Variants in MITF observed in about 807,000 individuals in gnomAD.
MITF encodes microphthalmia-associated transcription factor.
In MITF, 17 loss-of-function variants were observed where a neutral mutation model predicts 60.5. The observed-to-expected ratio is 0.28, with a 90% confidence interval of 0.19 to 0.42. The LOEUF (loss-of-function observed/expected upper bound fraction) is 0.42, where lower values mean the gene tolerates loss of function less well. MITF is among the 10% of genes least tolerant of loss of function. The probability of loss-of-function intolerance (pLI) is 1.00; values close to 1 mark genes in which losing one functional copy is unlikely to be tolerated. For missense variants in MITF, 622 were observed against 683.5 expected (o/e 0.91, Z 1.00); for synonymous variants, 260 against 248.5 (o/e 1.05, Z -0.43).
At position 69,966,046 on chromosome 3, in the gene MITF, A is replaced by C. The variant is rs1322360892; in HGVS notation, c.*798A>C. On this transcript the variant is annotated 3_prime_UTR_variant, in exon 10 of 10. Transcript: ENST00000352241. Reference sequence around the variant, plus strand: ...CTCTCAAAGTAAAATATTGAGGAGCACTGAAAGTATGTTTTACTTTTTTTT... The same window carrying C: ...CTCTCAAAGTAAAATATTGAGGAGCCCTGAAAGTATGTTTTACTTTTTTTT... 1 of 232,542 alleles carries C rather than the reference A, an allele frequency of 4.3e-6. No individual in the cohort carries two copies. The highest frequency in any genetic ancestry group is 8.5e-6 in the Non-Finnish European group (1 of 117,626). 14.4% of individuals were successfully genotyped at this position (232,542 alleles called of 1,614,324 possible).
chr3:69,937,073 T>C (rs1456180307), intron 2 of MITF: 2 of 256,910 alleles, frequency 7.8e-6, no homozygotes, highest in African/African-American at 4.5e-5. Flanking sequence ...ATGTTGTTTT[T>C]TGGGGAAAAG....
chr3:69,854,559 T>A (rs2063882868), intron 1 of MITF, among the ~76,000 whole-genome samples: 1 of 152,210 alleles, frequency 6.6e-6, no homozygotes, highest in South Asian at 2.1e-4. Flanking sequence ...TTTTTAATAT[T>A]ATTGATCCAT....
At chr3:69,875,040 T>A (rs1210994598) in intron 1 of MITF, among the ~76,000 whole-genome samples, 1 of 152,300 alleles carries the variant, frequency 6.6e-6, no homozygotes, top group African/African-American at 2.4e-5. Flanking sequence ...CTGAACACTT[T>A]AATTTAGTGA....
chr3:69,740,071 G>T (rs1703473779), intron 1 of MITF, among the ~76,000 whole-genome samples: 1 of 152,206 alleles, frequency 6.6e-6, no homozygotes, highest in Non-Finnish European at 1.5e-5. Context: ...GGATGGGGGA[G>T]AAAGAGTTCT....
chr3:69,799,838 C>T (rs777440585), intron 1 of MITF, among the ~76,000 whole-genome samples: 1 of 152,150 alleles, frequency 6.6e-6, no homozygotes, highest in Middle Eastern at 3.4e-3. Context: ...ACAAAGAAAC[C>T]TATACTGGGA....
At chr3:69,938,449 CTTG>C (rs1437199252) in intron 3 of MITF, 3 of 1,499,554 alleles carry the variant, frequency 2.0e-6, no homozygotes, top group Non-Finnish European at 2.7e-6. Context: ...AGAAGTTCCG[CTTG>C]TTGTGAATGT....
intron 2 of MITF, among the ~76,000 whole-genome samples, chr3:69,913,286 C>G: frequency 6.6e-6 from 1 of 151,712 alleles, no homozygotes; most frequent in East Asian, 1.9e-4. Context: ...TGTCTTTATT[C>G]TTTTGGGATT....
At chr3:69,912,755 A>G (rs1319442497) in intron 2 of MITF, among the ~76,000 whole-genome samples, 3 of 152,180 alleles carry the variant, frequency 2.0e-5, no homozygotes, top group Non-Finnish European at 1.5e-5. Flanking sequence ...TATAAACAGA[A>G]TTGCTTTTTG....
chr3:69,881,238 G>A (rs986995559), intron 2 of MITF, among the ~76,000 whole-genome samples: 2 of 151,968 alleles, frequency 1.3e-5, no homozygotes, highest in Non-Finnish European at 2.9e-5. Context: ...GTTACAGCTG[G>A]ACGACATACT....
intron 1 of MITF, among the ~76,000 whole-genome samples, chr3:69,766,330 C>T (rs2062292223): frequency 6.8e-6 from 1 of 147,630 alleles, no homozygotes. Flanking sequence ...CTGCCTCAGT[C>T]TCCTGAGTAG....
chr3:69,784,537 G>A (rs1049664855), intron 1 of MITF, among the ~76,000 whole-genome samples: 1 of 152,134 alleles, frequency 6.6e-6, no homozygotes, highest in African/African-American at 2.4e-5. Context: ...AAAGCTAGAA[G>A]CTTTAATGGA....
At chr3:69,837,061 G>A (rs1333245049) in intron 1 of MITF, among the ~76,000 whole-genome samples, 1 of 152,184 alleles carries the variant, frequency 6.6e-6, no homozygotes, top group East Asian at 1.9e-4. Flanking sequence ...GCTTCCAGAT[G>A]TAGCTGCATC....
At chr3:69,796,632 A>T (rs541527654) in intron 1 of MITF, among the ~76,000 whole-genome samples, 1 of 149,444 alleles carries the variant, frequency 6.7e-6, no homozygotes, top group Admixed American at 6.7e-5. Flanking sequence ...TCAGCCTCCC[A>T]AGTAGCTGGG....
chr3:69,804,278 C>T (rs968917835), intron 1 of MITF, among the ~76,000 whole-genome samples: 1 of 151,856 alleles, frequency 6.6e-6, no homozygotes, highest in Non-Finnish European at 1.5e-5. Context: ...TTGTTCCCCT[C>T]CCATCTCTTC....
chr3:69,899,806 C>T (rs987942188), intron 2 of MITF, among the ~76,000 whole-genome samples: 4 of 152,048 alleles, frequency 2.6e-5, no homozygotes, highest in Non-Finnish European at 4.4e-5. Context: ...TGGGTTAAAC[C>T]AATTGCAGGC....
In MITF at chr3:69,913,208, CTTAAA is replaced by C. The variant is rs1273765839; in HGVS notation, c.355-24609_355-24605del. Among the ~76,000 whole-genome samples, 6 of 152,072 alleles carry C rather than the reference CTTAAA, an allele frequency of 3.9e-5. No homozygotes were observed. In the East Asian group the frequency reaches 5.8e-4, roughly 15 times the overall value. Reference sequence around the variant, plus strand: ...ATAAAGCAGAGAATGCATGTAAACTCTTAAATTAATTAAAGAGTAGAGATAAGAGA... The same window carrying C: ...ATAAAGCAGAGAATGCATGTAAACTCTTAATTAAAGAGTAGAGATAAGAGA... On this transcript the variant is annotated intron_variant, in intron 2 of 9. Coordinates refer to ENST00000352241, the MANE Select transcript of MITF (RefSeq NM_001354604.2).
chr3:69,797,908 T>C lies in MITF; in HGVS notation c.104+58207T>C, dbSNP rs368191340. Among the ~76,000 whole-genome samples, 25 of 152,366 alleles carry C rather than the reference T, an allele frequency of 1.6e-4. No individual in the cohort carries two copies. In the East Asian group the frequency reaches 2.5e-3, roughly 15 times the overall value. ...ATAAATGTTGGTTGCAGAAGCAACGTACATTTTAGATGTTTATGGAGGGCT... is the reference window on the plus strand; with the variant it reads ...ATAAATGTTGGTTGCAGAAGCAACGCACATTTTAGATGTTTATGGAGGGCT... On this transcript the variant is annotated intron_variant, in intron 1 of 9. Coordinates refer to ENST00000352241, the MANE Select transcript of MITF (RefSeq NM_001354604.2).
intron 2 of MITF, among the ~76,000 whole-genome samples, chr3:69,916,955 T>C (rs1457178899): frequency 6.6e-6 from 1 of 152,228 alleles, no homozygotes; most frequent in Non-Finnish European, 1.5e-5. Context: ...ACCTTCTGTC[T>C]CCTGTAAGAT....
chr3:69,815,670 A>G (rs1400489701), intron 1 of MITF, among the ~76,000 whole-genome samples: 1 of 152,200 alleles, frequency 6.6e-6, no homozygotes, highest in Non-Finnish European at 1.5e-5. Context: ...AGTTTTGGAG[A>G]GAGTCAAAAG....
Sources: gnomAD v4.1 joint callset for allele counts (sites outside exome capture counted in the v4.1 genomes callset) on GRCh38, gnomAD v4.1.1 for gene constraint, MANE v1.5 for transcripts, NCBI Gene and HGNC (gene_info 2026-07-23, HGNC 2026-07-21) for gene names.